The following DENND1B variants were observed in gnomAD, a reference collection of about 807,000 sequenced individuals.
DENND1B encodes DENN domain-containing protein 1B.
A neutral mutation model predicts 90.1 loss-of-function variants in DENND1B; 59 were observed. The ratio of observed to expected loss-of-function variants is 0.65; its 90% CI spans 0.53 to 0.81. The LOEUF is 0.81. Among genes scored for constraint, DENND1B ranks in the 40% least tolerant of loss-of-function variants. The pLI is 0.00. For synonymous variants in DENND1B, 337 were observed against 324.6 expected, an observed-to-expected ratio of 1.04 and a Z score of -0.41; for missense variants, 862 against 912.6, an observed-to-expected ratio of 0.94 and a Z score of 0.71.
intron 7 of DENND1B, 119 bp downstream of exon 7, chr1:197,652,116 A>G (rs1653282167): frequency 1.3e-6 from 1 of 745,786 alleles, no homozygotes; most frequent in Non-Finnish European, 2.3e-6. Flanking sequence ...AGTACTAGCA[A>G]TGAAGTCTTC....
chr1:197,565,915 G>C (rs1672615058), intron 15 of DENND1B, among the ~76,000 whole-genome samples: 1 of 149,746 alleles, frequency 6.7e-6, no homozygotes, highest in Non-Finnish European at 1.5e-5. Context: ...TTGGTTCCAA[G>C]TCTTTGCTAT....
chr1:197,671,982 A>T, intron 5 of DENND1B, 55 bp downstream of exon 5: 1 of 1,569,288 alleles, frequency 6.4e-7, no homozygotes. Context: ...AACAAAGTAC[A>T]ATAGAGAGAT....
chr1:197,768,383 A>C (rs1189476923), intron 2 of DENND1B, among the ~76,000 whole-genome samples: 1 of 152,176 alleles, frequency 6.6e-6, no homozygotes. Context: ...TTAGAGGCAT[A>C]CCCAATCTTT....
At chr1:197,529,266 GTGTATATGTA>G (rs1391579511) in intron 20 of DENND1B, among the ~76,000 whole-genome samples, 836 of 21,806 alleles carry the variant, frequency 0.038, 8 homozygotes, top group South Asian at 0.052. Context: ...GTGTGTGTGT[GTGTATATGTA>G]TATATGTATA....
chr1:197,524,208 C>T (rs1352060922), intron 20 of DENND1B, among the ~76,000 whole-genome samples: 2 of 152,094 alleles, frequency 1.3e-5, no homozygotes, highest in South Asian at 2.1e-4. Context: ...CTGCTCCCAA[C>T]GCATAGTTGG....
At chr1:197,545,085 C>G (rs1470572719) in intron 18 of DENND1B, among the ~76,000 whole-genome samples, 1 of 104,186 alleles carries the variant, frequency 9.6e-6, no homozygotes, top group African/African-American at 3.6e-5. Flanking sequence ...CAAGAAAAAT[C>G]TTGGAATGTT....
intron 6 of DENND1B, among the ~76,000 whole-genome samples, chr1:197,657,962 C>T (rs1050319926): frequency 2.6e-5 from 4 of 152,086 alleles, no homozygotes; most frequent in Non-Finnish European, 4.4e-5. Flanking sequence ...ATCTTGAAGA[C>T]ATTATGCTAA....
intron 22 of DENND1B, among the ~76,000 whole-genome samples, chr1:197,511,491 A>G (rs1668024290): frequency 6.6e-6 from 1 of 151,794 alleles, no homozygotes. Flanking sequence ...TTGCTTGACA[A>G]AATAATTTCA....
At chr1:197,650,554 A>G (rs1226752749) in intron 7 of DENND1B, among the ~76,000 whole-genome samples, 2 of 152,236 alleles carry the variant, frequency 1.3e-5, no homozygotes, top group African/African-American at 4.8e-5. Flanking sequence ...CATGAAAAAC[A>G]TACTTGCACA....
intron 2 of DENND1B, among the ~76,000 whole-genome samples, chr1:197,764,343 T>C (rs1450540237): frequency 1.3e-5 from 2 of 152,160 alleles, no homozygotes; most frequent in Non-Finnish European, 2.9e-5. Context: ...AAATACCAAA[T>C]AAATAGTTTC....
intron 19 of DENND1B, 49 bp downstream of exon 19, chr1:197,540,910 A>G: frequency 6.5e-7 from 1 of 1,539,788 alleles, no homozygotes. Context: ...ATAAACTTCA[A>G]ACTAATACAA....
intron 15 of DENND1B, among the ~76,000 whole-genome samples, chr1:197,561,659 T>G (rs922471230): frequency 6.6e-6 from 1 of 151,762 alleles, no homozygotes; most frequent in South Asian, 2.1e-4. Context: ...CCAATAGATA[T>G]CTTGACTTAA....
chr1:197,649,339 A>C (rs1652851322), intron 7 of DENND1B, among the ~76,000 whole-genome samples: 2 of 152,202 alleles, frequency 1.3e-5, no homozygotes. Context: ...TTCATCTGAC[A>C]GTCTTTTGTA....
chr1:197,511,716 A>C lies in DENND1B; in HGVS notation c.1815+12T>G. 1 of 1,567,024 alleles carries C rather than the reference A, an allele frequency of 6.4e-7. No homozygotes were observed. Among genetic ancestry groups the C allele is most frequent in the East Asian group, 2.3e-5 (1 of 44,404 alleles). On this transcript the variant is annotated intron_variant, in intron 22 of 22. Transcript: ENST00000620048. The stretch of plus-strand genomic sequence containing the variant: ...TTCTTCTAATTTTATAAGTAAAAAA[A>C]AATCTACTAACCGTAGGTTTGTAAT...
chr1:197,606,060 CT>C (rs1180486006), intron 13 of DENND1B: 7 of 150,676 alleles, frequency 4.6e-5, no homozygotes, highest in African/African-American at 1.5e-4. Context: ...AGAATAAATG[CT>C]TTGTTTTTTT....
chr1:197,581,545 T>C (rs1338447014), intron 15 of DENND1B, among the ~76,000 whole-genome samples: 1 of 152,158 alleles, frequency 6.6e-6, no homozygotes, highest in African/African-American at 2.4e-5. Flanking sequence ...ATAAACCTTA[T>C]AATAATCCTG....
intron 20 of DENND1B, among the ~76,000 whole-genome samples, chr1:197,527,360 G>A (rs978431012): frequency 4.9e-5 from 7 of 142,474 alleles, no homozygotes; most frequent in South Asian, 2.3e-4. Context: ...TTGGCTCACC[G>A]CAACCTCTGC....
Position 197,631,864 on chromosome 1 carries a change from G to A in DENND1B, c.672+10847C>T, listed in dbSNP as rs1679358408. ...GTATATGCATACACATAATTATAAA[G>A]TGAAATTTGCTGTTAGTAAATGATA... On this transcript the variant is annotated intron_variant, in intron 10 of 22. Coordinates refer to ENST00000620048, the MANE Select transcript of DENND1B (RefSeq NM_001195215.2). Among the ~76,000 whole-genome samples the A allele has an allele frequency of 2.0e-5, 3 of 152,014 alleles. No individual in the cohort carries two copies. In the South Asian group the frequency reaches 6.2e-4, roughly 32 times the overall value.
chr1:197,562,130 G>C (rs1328549920), intron 15 of DENND1B, among the ~76,000 whole-genome samples: 1 of 151,810 alleles, frequency 6.6e-6, no homozygotes, highest in Non-Finnish European at 1.5e-5. Flanking sequence ...TAGTACTTCT[G>C]ATCTTTGAAG....
Sources: allele counts gnomAD v4.1 joint callset (sites outside exome capture counted in the v4.1 genomes callset), GRCh38; gene constraint gnomAD v4.1.1; transcripts MANE v1.5; gene names NCBI Gene and HGNC (gene_info 2026-07-23, HGNC 2026-07-21).